GALNT14: variants seen among roughly 807,000 people sequenced by gnomAD.
The protein encoded by GALNT14 is polypeptide N-acetylgalactosaminyltransferase 14, also known as UDP-GalNAc:polypeptide N-acetylgalactosaminyltransferase 14.
Under a neutral mutation model 77.5 loss-of-function variants are expected in GALNT14, and 60 were observed. That is an observed-to-expected ratio of 0.77 (90% CI 0.63 to 0.96). The LOEUF (loss-of-function observed/expected upper bound fraction) is 0.96, where lower values mean the gene tolerates loss of function less well. GALNT14 is among the 40% of genes least tolerant of loss of function. The pLI is 0.00. For missense variants in GALNT14, 710 were observed against 731.0 expected, an observed-to-expected ratio of 0.97 and a Z score of 0.33; for synonymous variants, 280 against 281.7, an observed-to-expected ratio of 0.99 and a Z score of 0.06.
At chr2:30,978,566 C>G (rs921902631) in intron 2 of GALNT14, among the ~76,000 whole-genome samples, 1 of 152,124 alleles carries the variant, frequency 6.6e-6, no homozygotes, top group East Asian at 1.9e-4. Context: ...TATGCGTGAA[C>G]GTGGATAATT....
At chr2:30,952,999 T>C (rs1259537763) in intron 6 of GALNT14, among the ~76,000 whole-genome samples, 2 of 152,208 alleles carry the variant, frequency 1.3e-5, no homozygotes, top group Admixed American at 6.5e-5. Context: ...TAAAATCCCC[T>C]GTAAACAGAG....
intron 1 of GALNT14, among the ~76,000 whole-genome samples, chr2:31,091,312 T>A (rs1676725124): frequency 6.6e-6 from 1 of 152,256 alleles, no homozygotes; most frequent in East Asian, 1.9e-4. Flanking sequence ...TAAATAAAGT[T>A]TTATTGGAAC....
intron 13 of GALNT14, among the ~76,000 whole-genome samples, chr2:30,923,908 C>A (rs1161497848): frequency 6.6e-6 from 1 of 152,238 alleles, no homozygotes; most frequent in African/African-American, 2.4e-5. Flanking sequence ...GCCTATTAAA[C>A]TGTCTTTCAG....
intron 1 of GALNT14, among the ~76,000 whole-genome samples, chr2:31,086,389 T>C (rs1264648207): frequency 2.6e-5 from 4 of 152,178 alleles, no homozygotes; most frequent in Admixed American, 2.6e-4. Context: ...GCTGTATAGC[T>C]TATAGCTCCC....
chr2:30,926,362 A>G (rs545833358), intron 11 of GALNT14, among the ~76,000 whole-genome samples: 3 of 152,294 alleles, frequency 2.0e-5, no homozygotes, highest in Middle Eastern at 6.8e-3. Flanking sequence ...AAAACTCTTC[A>G]CGGGGATGGG....
intron 1 of GALNT14, among the ~76,000 whole-genome samples, chr2:31,015,107 T>C (rs183819840): frequency 6.6e-6 from 1 of 152,048 alleles, no homozygotes; most frequent in Admixed American, 6.6e-5. Flanking sequence ...CTGACCAACT[T>C]GGTGAAACCT....
chr2:31,059,815 C>T (rs1674479933), intron 1 of GALNT14, among the ~76,000 whole-genome samples: 1 of 152,244 alleles, frequency 6.6e-6, no homozygotes, highest in East Asian at 1.9e-4. Context: ...AAAGCAGGTC[C>T]TCACCGGACA....
chr2:31,085,756 C>T (rs1573325851), intron 1 of GALNT14, among the ~76,000 whole-genome samples: 1 of 152,230 alleles, frequency 6.6e-6, no homozygotes, highest in South Asian at 2.1e-4. Flanking sequence ...GTGACACGTG[C>T]TCTGCCACTA....
At chr2:31,123,181 C>CA (rs11397679) in intron 1 of GALNT14, among the ~76,000 whole-genome samples, 41,811 of 96,782 alleles carry the variant, frequency 0.43, 9,920 homozygotes, top group African/African-American at 0.53. Flanking sequence ...GACTCCATCT[C>CA]AAAAAAAAAA....
chr2:30,938,859 A>G (rs1445082855), intron 9 of GALNT14, among the ~76,000 whole-genome samples: 1 of 152,258 alleles, frequency 6.6e-6, no homozygotes, highest in Non-Finnish European at 1.5e-5. Context: ...CAATACATGC[A>G]AACATGTCTA....
chr2:30,924,703 T>C, intron 12 of GALNT14, 37 bp downstream of exon 12: 1 of 1,588,018 alleles, frequency 6.3e-7, no homozygotes, highest in Non-Finnish European at 8.6e-7. Context: ...GGCCTCTGCT[T>C]TCAGCCAGCC....
chr2:30,960,371 C>G (rs569788517), intron 3 of GALNT14, among the ~76,000 whole-genome samples: 1 of 152,178 alleles, frequency 6.6e-6, no homozygotes, highest in Non-Finnish European at 1.5e-5. Flanking sequence ...CCTGCCAGCT[C>G]TTTGAAATTC....
intron 1 of GALNT14, among the ~76,000 whole-genome samples, chr2:31,107,596 A>G (rs1474400455): frequency 6.6e-6 from 1 of 152,208 alleles, no homozygotes; most frequent in African/African-American, 2.4e-5. Flanking sequence ...CAGCAGCCAC[A>G]TTATACAGGA....
chr2:31,125,840 G>A (rs1005485577), intron 1 of GALNT14, among the ~76,000 whole-genome samples: 2 of 152,154 alleles, frequency 1.3e-5, no homozygotes, highest in East Asian at 1.9e-4. Context: ...AATACAGGAC[G>A]ATTCCTCTCT....
intron 1 of GALNT14, among the ~76,000 whole-genome samples, chr2:31,117,757 T>G (rs903556615): frequency 6.6e-6 from 1 of 152,144 alleles, no homozygotes; most frequent in Non-Finnish European, 1.5e-5. Flanking sequence ...TATGCAATAG[T>G]GGAAGATAGG....
intron 13 of GALNT14, among the ~76,000 whole-genome samples, chr2:30,914,894 A>G (rs1664584729): frequency 1.3e-5 from 2 of 152,114 alleles, no homozygotes; most frequent in African/African-American, 4.8e-5. Context: ...GCCTGTGGGG[A>G]GGAGAGAGAA....
chr2:30,929,594 A>T (rs1321930668), intron 10 of GALNT14, 107 bp from the exon 11 acceptor site: 2 of 756,250 alleles, frequency 2.6e-6, no homozygotes, highest in East Asian at 5.5e-5. Flanking sequence ...AACACCACCT[A>T]GGTGGGGGCC....
chr2:31,065,526 G>T (rs1003262444), intron 1 of GALNT14: 2 of 152,394 alleles, frequency 1.3e-5, no homozygotes, highest in African/African-American at 4.8e-5. Context: ...ACAAGATCAT[G>T]AGCAGATGGC....
chr2:30,990,097 G>A (rs908958790), intron 2 of GALNT14, among the ~76,000 whole-genome samples: 6 of 152,156 alleles, frequency 3.9e-5, no homozygotes, highest in Admixed American at 2.0e-4. Context: ...CTATGGCAAG[G>A]TGGGGAGACA....
Sources: gnomAD v4.1 joint callset for allele counts (sites outside exome capture counted in the v4.1 genomes callset) on GRCh38, gnomAD v4.1.1 for gene constraint, MANE v1.5 for transcripts, NCBI Gene and HGNC (gene_info 2026-07-23, HGNC 2026-07-21) for gene names.